The following EPM2A variants were observed in gnomAD, a reference collection of about 807,000 sequenced individuals.
EPM2A encodes the protein laforin.
EPM2A carries 21 observed loss-of-function variants against 26.5 expected under a neutral mutation model. The ratio of observed to expected loss-of-function variants is 0.79; its 90% CI spans 0.56 to 1.14. The LOEUF is 1.14. Ranked by LOEUF, EPM2A falls within the 50% of genes most tolerant of loss-of-function variation. EPM2A has a pLI of 0.00. For missense variants in EPM2A, 458 were observed against 440.8 expected (o/e 1.04, Z -0.35); for synonymous variants, 217 against 177.6 (o/e 1.22, Z -1.76).
intron 4 of EPM2A, among the ~76,000 whole-genome samples, chr6:145,396,157 A>G (rs1307790689): frequency 1.3e-5 from 2 of 152,128 alleles, no homozygotes; most frequent in South Asian, 2.1e-4. Context: ...GTCCAGAGAC[A>G]TTTCTCTGAC....
At position 145,431,509 on chromosome 6, in the gene EPM2A, T is replaced by C. The variant is rs373527358; in HGVS notation, c.556-47412A>G. On this transcript the variant is annotated intron_variant, in intron 4 of 4. Coordinates refer to the EPM2A transcript ENST00000638717. ...TTGTTTTTCCCAGTATATATAAAAG[T>C]TATGTTTACACTATACTGTGGTCTA... Among the ~76,000 whole-genome samples, 14 of 152,332 alleles carry C rather than the reference T, an allele frequency of 9.2e-5. 1 individual carries two copies. The highest frequency in any genetic ancestry group is 3.4e-4 in the African/African-American group (14 of 41,574).
chr6:145,728,517 G>A (rs1330943838), intron 1 of EPM2A, among the ~76,000 whole-genome samples: 1 of 152,224 alleles, frequency 6.6e-6, no homozygotes, highest in Non-Finnish European at 1.5e-5. Flanking sequence ...TTGTGCTCCT[G>A]CTCTAGAGAT....
intron 1 of EPM2A, 49 bp downstream of exon 1, chr6:145,735,149 G>A: frequency 2.9e-6 from 4 of 1,392,002 alleles, no homozygotes; most frequent in Non-Finnish European, 3.8e-6. Context: ...TTGGGGGTGC[G>A]GGCCGGAGCT....
chr6:145,581,850 T>A (rs1282223292), intron 2 of EPM2A, among the ~76,000 whole-genome samples: 1 of 152,188 alleles, frequency 6.6e-6, no homozygotes. Flanking sequence ...TGTTCTACAG[T>A]GGAATAGATA....
At chr6:145,719,841 C>G (rs1165370486) in intron 1 of EPM2A, among the ~76,000 whole-genome samples, 1 of 152,056 alleles carries the variant, frequency 6.6e-6, no homozygotes, top group East Asian at 1.9e-4. Flanking sequence ...CAAATACTGA[C>G]TCTGATTTGT....
chr6:145,557,886 C>T (rs967168190), intron 2 of EPM2A, among the ~76,000 whole-genome samples: 1 of 152,058 alleles, frequency 6.6e-6, no homozygotes, highest in Non-Finnish European at 1.5e-5. Flanking sequence ...CTCCCCAAAC[C>T]GTCCTTGCCT....
intron 3 of EPM2A, among the ~76,000 whole-genome samples, chr6:145,633,134 C>A (rs1344225348): frequency 6.6e-6 from 1 of 152,212 alleles, no homozygotes; most frequent in Non-Finnish European, 1.5e-5. Flanking sequence ...TATCTGTCAG[C>A]AGAGCCTTCA....
chr6:145,718,555 A>G (rs557896329), intron 1 of EPM2A, among the ~76,000 whole-genome samples: 2,256 of 152,292 alleles, frequency 0.015, 58 homozygotes, highest in African/African-American at 0.049. Flanking sequence ...GGACATAGGC[A>G]TGGGCAAGGA....
intron 2 of EPM2A, among the ~76,000 whole-genome samples, chr6:145,661,988 G>T (rs531861261): frequency 6.6e-6 from 1 of 152,118 alleles, no homozygotes; most frequent in Non-Finnish European, 1.5e-5. Context: ...ATTTCCAAAC[G>T]TCTGGTAACA....
chr6:145,646,652 G>T (rs982207038), intron 2 of EPM2A, among the ~76,000 whole-genome samples: 5 of 151,820 alleles, frequency 3.3e-5, no homozygotes, highest in African/African-American at 1.2e-4. Flanking sequence ...CCAAACTCTG[G>T]TCTCCCTTCA....
intron 4 of EPM2A, among the ~76,000 whole-genome samples, chr6:145,440,133 G>A (rs779690154): frequency 9.9e-5 from 15 of 152,176 alleles, no homozygotes; most frequent in Admixed American, 3.9e-4. Flanking sequence ...AAGAAAAATA[G>A]GTTTAATGTA....
chr6:145,585,882 C>T (rs1368658634), intron 2 of EPM2A, among the ~76,000 whole-genome samples: 4 of 152,114 alleles, frequency 2.6e-5, no homozygotes, highest in African/African-American at 4.8e-5. Flanking sequence ...GACGCAAAAC[C>T]CTTCTACGTA....
At chr6:145,497,725 A>G (rs150317816), downstream of EPM2A, among the ~76,000 whole-genome samples, 633 of 152,372 alleles carry the variant, frequency 4.2e-3, 3 homozygotes, top group African/African-American at 0.015. Flanking sequence ...AGTTGGCCAG[A>G]GAACATCGAC....
At chr6:145,442,926 T>C (rs985686200) in intron 4 of EPM2A, among the ~76,000 whole-genome samples, 1 of 152,016 alleles carries the variant, frequency 6.6e-6, no homozygotes, top group East Asian at 1.9e-4. Context: ...AGTGGCACCA[T>C]CTCTGCTCAC....
At chr6:145,647,572 T>C (rs1777570554) in intron 2 of EPM2A, among the ~76,000 whole-genome samples, 1 of 152,230 alleles carries the variant, frequency 6.6e-6, no homozygotes, top group Admixed American at 6.5e-5. Flanking sequence ...TCGTCTGTAT[T>C]GTGACTTCCT....
At chr6:145,517,879 A>G (rs1582817899) in intron 2 of EPM2A, among the ~76,000 whole-genome samples, 1 of 152,190 alleles carries the variant, frequency 6.6e-6, no homozygotes, top group African/African-American at 2.4e-5. Context: ...CATTACCGTG[A>G]TTAGACTTCT....
In EPM2A at chr6:145,625,696, T is replaced by C. The variant is rs764319526; in HGVS notation, c.*1720A>G. On this transcript the variant is annotated 3_prime_UTR_variant, in exon 4 of 4. Transcript: ENST00000367519. ...GCTTATAAATTTAACTTTGTAAAAT[T>C]ATAGTGGAAATGTGTCCTGGCTAGC... is the stretch of plus-strand genomic sequence containing the variant. 10 of 783,986 alleles carry C rather than the reference T, an allele frequency of 1.3e-5. No homozygotes were observed. The highest frequency in any genetic ancestry group is 2.3e-5 in the Non-Finnish European group (10 of 426,270). The allele number at this position is 783,986 out of a possible 1,614,324, so 48.6% of individuals were successfully genotyped here.
intron 2 of EPM2A, among the ~76,000 whole-genome samples, chr6:145,562,223 T>C (rs1780816723): frequency 6.6e-6 from 1 of 152,128 alleles, no homozygotes. Flanking sequence ...TTCAGTTTTT[T>C]GTAATGAGAA....
At chr6:145,679,179 C>T (rs962954208) in intron 2 of EPM2A, among the ~76,000 whole-genome samples, 4 of 144,464 alleles carry the variant, frequency 2.8e-5, no homozygotes, top group African/African-American at 7.6e-5. Flanking sequence ...GTGAACTGCA[C>T]GTTCACATTC....
Sources: gnomAD v4.1 joint callset for allele counts (sites outside exome capture counted in the v4.1 genomes callset) on GRCh38, gnomAD v4.1.1 for gene constraint, MANE v1.5 for transcripts, NCBI Gene and HGNC (gene_info 2026-07-23, HGNC 2026-07-21) for gene names.